Variants in RGS7 observed in about 807,000 individuals in gnomAD.
RGS7 encodes regulator of G-protein signaling 7.
In RGS7, 27 loss-of-function variants were observed where a neutral mutation model predicts 81.1. That is an observed-to-expected ratio of 0.33 (90% CI 0.25 to 0.46). The LOEUF is 0.46. RGS7 is among the 20% of genes least tolerant of loss of function. The pLI is 1.00. For synonymous variants in RGS7, 208 were observed against 207.7 expected (o/e 1.00, Z -0.01); for missense variants, 396 against 607.4 (o/e 0.65, Z 3.66).
intron 18 of RGS7, among the ~76,000 whole-genome samples, chr1:240,795,515 G>A (rs1489238734): frequency 6.6e-6 from 1 of 152,068 alleles, no homozygotes; most frequent in Non-Finnish European, 1.5e-5. Context: ...GAGATAAATG[G>A]ATACCTCTTC....
chr1:241,037,050 CA>C, intron 3 of RGS7, among the ~76,000 whole-genome samples: 1 of 152,266 alleles, frequency 6.6e-6, no homozygotes, highest in African/African-American at 2.4e-5. Context: ...ATGCTTCTGT[CA>C]TAATAAATCA....
rs368718031 is a variant in RGS7 at position 240,942,232 on chromosome 1, G to A, written c.227-5526C>T. Among the ~76,000 whole-genome samples the A allele has an allele frequency of 2.3e-4, 35 of 152,254 alleles. 1 individual carries two copies. The highest frequency in any genetic ancestry group is 1.9e-3 in the East Asian group (10 of 5,178). ...CACAACGATTTCAAAAAGTTAACAGGATGAAAACCACAGTATAAAAGAGGC... is the reference window on the plus strand; with the variant it reads ...CACAACGATTTCAAAAAGTTAACAGAATGAAAACCACAGTATAAAAGAGGC... On this transcript the variant is annotated intron_variant, in intron 4 of 18. Coordinates refer to ENST00000440928, the MANE Select transcript of RGS7 (RefSeq NM_001364886.1).
chr1:240,962,701 G>A (rs1681668788), intron 4 of RGS7, among the ~76,000 whole-genome samples: 1 of 152,130 alleles, frequency 6.6e-6, no homozygotes, highest in South Asian at 2.1e-4. Flanking sequence ...TTTCCTGGAG[G>A]AGTTGATATT....
intron 6 of RGS7, among the ~76,000 whole-genome samples, chr1:240,878,524 A>G (rs1665857987): frequency 7.1e-6 from 1 of 141,040 alleles, no homozygotes; most frequent in African/African-American, 2.6e-5. Flanking sequence ...GAATTAACTA[A>G]TTAACTATAA....
Position 240,993,319 on chromosome 1 carries a change from G to A in RGS7, c.176-10190C>T, listed in dbSNP as rs556776168. On this transcript the variant is annotated intron_variant, in intron 3 of 18. Coordinates refer to ENST00000440928, the MANE Select transcript of RGS7 (RefSeq NM_001364886.1). ...AGAAAGAGCCAAACTATTTTCCAGA[G>A]GGCCTGAGCCATTTTACATTCCTAC... is the stretch of plus-strand genomic sequence containing the variant. Among the ~76,000 whole-genome samples, 153 of 152,252 alleles carry A rather than the reference G, an allele frequency of 1.0e-3. 1 individual carries two copies. Among genetic ancestry groups the A allele is most frequent in the Middle Eastern group, 6.8e-3 (2 of 294 alleles).
chr1:240,789,607 GTGGGATGAAATAAGCCC>G, intron 18 of RGS7, among the ~76,000 whole-genome samples: 1 of 152,352 alleles, frequency 6.6e-6, no homozygotes, highest in East Asian at 1.9e-4. Context: ...GGTCGTAGCT[GTGGGATGAAATAAGCCC>G]TGGTCTCCTG....
intron 2 of RGS7, among the ~76,000 whole-genome samples, chr1:241,126,023 T>A (rs1002739045): frequency 1.4e-4 from 22 of 152,022 alleles, no homozygotes; most frequent in Non-Finnish European, 2.9e-5. Context: ...CGACCTGGAG[T>A]CTTGGTGACC....
intron 2 of RGS7, among the ~76,000 whole-genome samples, chr1:241,222,564 A>G (rs1573210618): frequency 6.6e-6 from 1 of 152,170 alleles, no homozygotes; most frequent in African/African-American, 2.4e-5. Flanking sequence ...AGAGCTCTTG[A>G]GCTATATAAT....
intron 2 of RGS7, among the ~76,000 whole-genome samples, chr1:241,116,259 T>C (rs765767436): frequency 3.4e-4 from 51 of 152,128 alleles, no homozygotes; most frequent in Non-Finnish European, 6.8e-4. Context: ...CTTAAACAGA[T>C]ACAAAAATAA....
intron 2 of RGS7, among the ~76,000 whole-genome samples, chr1:241,147,921 T>C (rs1300732982): frequency 6.7e-6 from 1 of 148,894 alleles, no homozygotes; most frequent in Non-Finnish European, 1.5e-5. Flanking sequence ...TAACAAATAT[T>C]AATTGAGTGG....
At chr1:241,241,191 GA>G (rs139777588) in intron 2 of RGS7, among the ~76,000 whole-genome samples, 2,717 of 152,132 alleles carry the variant, frequency 0.018, 88 homozygotes, top group African/African-American at 0.062. Context: ...AACAGGAGCA[GA>G]ATGTTTCCAT....
At chr1:241,115,898 G>T (rs538173159) in intron 2 of RGS7, among the ~76,000 whole-genome samples, 1 of 152,232 alleles carries the variant, frequency 6.6e-6, no homozygotes, top group Non-Finnish European at 1.5e-5. Flanking sequence ...GAGGTGATTG[G>T]ATCATGGGAA....
intron 2 of RGS7, among the ~76,000 whole-genome samples, chr1:241,209,682 T>A (rs995812790): frequency 6.6e-6 from 1 of 151,786 alleles, no homozygotes. Flanking sequence ...TGAAAAATTT[T>A]AAAAATTAGC....
intron 2 of RGS7, among the ~76,000 whole-genome samples, chr1:241,293,098 C>T (rs1365712555): frequency 2.6e-5 from 4 of 152,142 alleles, no homozygotes; most frequent in South Asian, 2.1e-4. Flanking sequence ...TTTCAGTCAA[C>T]GGTGGACTGC....
intron 10 of RGS7, 47 bp from the exon 11 acceptor site, chr1:240,816,462 C>T (rs1427038997): frequency 1.7e-6 from 2 of 1,205,374 alleles, no homozygotes; most frequent in Admixed American, 1.7e-5. Context: ...ATACCGTTTA[C>T]AGTCACAGAC....
At chr1:241,073,686 G>T (rs1477852457) in intron 3 of RGS7, among the ~76,000 whole-genome samples, 1 of 152,054 alleles carries the variant, frequency 6.6e-6, no homozygotes, top group Non-Finnish European at 1.5e-5. Flanking sequence ...GTCTTTCCAG[G>T]GTCTGGGAGT....
intron 2 of RGS7, among the ~76,000 whole-genome samples, chr1:241,323,917 AGTCT>A (rs1411632686): frequency 1.3e-5 from 2 of 152,240 alleles, no homozygotes; most frequent in Non-Finnish European, 2.9e-5. Context: ...TTAAAAGCCC[AGTCT>A]GCCTGAGACT....
At chr1:241,088,890 A>G (rs1449300613) in intron 3 of RGS7, among the ~76,000 whole-genome samples, 1 of 151,158 alleles carries the variant, frequency 6.6e-6, no homozygotes, top group African/African-American at 2.4e-5. Flanking sequence ...AGGTGCCTGT[A>G]GTCCCAGCTA....
intron 4 of RGS7, among the ~76,000 whole-genome samples, chr1:240,966,629 G>A (rs1682347573): frequency 6.6e-6 from 1 of 152,142 alleles, no homozygotes; most frequent in South Asian, 2.1e-4. Flanking sequence ...TTCAGAACCT[G>A]TAGAACATTT....
Sources: allele counts gnomAD v4.1 joint callset (sites outside exome capture counted in the v4.1 genomes callset), GRCh38; gene constraint gnomAD v4.1.1; transcripts MANE v1.5; gene names NCBI Gene and HGNC (gene_info 2026-07-23, HGNC 2026-07-21).